Variants in PDK1 observed in about 807,000 individuals in gnomAD.
The protein encoded by PDK1 is [Pyruvate dehydrogenase (acetyl-transferring)] kinase isozyme 1, mitochondrial.
A neutral mutation model predicts 54.2 loss-of-function variants in PDK1; 39 were observed. That is an observed-to-expected ratio of 0.72 (90% CI 0.56 to 0.94). The LOEUF is 0.94. PDK1 is among the 40% of genes least tolerant of loss of function. PDK1 has a pLI of 0.00. For synonymous variants in PDK1, 221 were observed against 207.1 expected, an observed-to-expected ratio of 1.07 and a Z score of -0.58; for missense variants, 552 against 566.0, an observed-to-expected ratio of 0.98 and a Z score of 0.25.
chr2:172,692,919 A>C, the PDK1 span, among the ~76,000 whole-genome samples: 4 of 152,336 alleles, frequency 2.6e-5, no homozygotes, highest in South Asian at 8.3e-4. Context: ...ACAAAGTTCA[A>C]CCAGATTGGG....
the PDK1 span, among the ~76,000 whole-genome samples, chr2:172,714,438 GT>G: frequency 6.6e-6 from 1 of 151,798 alleles, no homozygotes. Flanking sequence ...ATATTTGAAA[GT>G]TTTTTTAGAA....
chr2:172,681,081 T>C, the PDK1 span, among the ~76,000 whole-genome samples: 1 of 152,374 alleles, frequency 6.6e-6, no homozygotes, highest in African/African-American at 2.4e-5. Flanking sequence ...TATTGTGATC[T>C]CTCTTGTTTT....
At position 172,562,927 on chromosome 2, in the gene PDK1, G is replaced by A; in HGVS notation, c.410+636G>A. On this transcript the variant is annotated intron_variant, in intron 3 of 10. Coordinates refer to ENST00000282077, the MANE Select transcript of PDK1 (RefSeq NM_002610.5). ...GTGTAATGACCATCTCTTGTCCTCA[G>A]TTAGTTACACATGTTTTTTGGACTG... is the stretch of plus-strand genomic sequence containing the variant. The A allele has an allele frequency of 5.2e-6, 4 of 767,196 alleles. No individual in the cohort carries two copies. In the South Asian group the frequency reaches 6.0e-5, roughly 12 times the overall value. The allele number at this position is 767,196 out of a possible 1,614,324, so 47.5% of individuals were successfully genotyped here.
rs535743874 is a variant in PDK1 at position 172,588,913 on chromosome 2, A to T, written c.1056+2525A>T. On this transcript the variant is annotated intron_variant, in intron 9 of 10. Coordinates refer to ENST00000282077, the MANE Select transcript of PDK1 (RefSeq NM_002610.5). ...TTTCCAAGTCCTTAACAAGCCAGCC[A>T]CTTGTTTTGCCACTGCCCATGCTGG... Among the ~76,000 whole-genome samples the T allele has an allele frequency of 2.6e-5, 4 of 152,256 alleles. No individual in the cohort carries two copies. In the East Asian group the frequency reaches 7.7e-4, roughly 29 times the overall value.
At chr2:172,633,211 T>TA in the PDK1 span, among the ~76,000 whole-genome samples, 254 of 145,142 alleles carry the variant, frequency 1.8e-3, 1 homozygote, top group African/African-American at 6.1e-3. Context: ...CTTGGCTAAT[T>TA]AAAAAAAATT....
downstream of PDK1, among the ~76,000 whole-genome samples, chr2:172,612,243 T>G (rs575418935): frequency 3.3e-5 from 5 of 152,228 alleles, no homozygotes; most frequent in African/African-American, 1.2e-4. Context: ...AAGATAGCAA[T>G]TCCCAGATCC....
the PDK1 span, chr2:172,724,169 C>A: frequency 6.6e-6 from 1 of 152,044 alleles, no homozygotes; most frequent in Non-Finnish European, 1.5e-5. Context: ...AGATTCTAAT[C>A]TTGGCATAAA....
At chr2:172,583,281 GT>G (rs1175087926) in intron 8 of PDK1, among the ~76,000 whole-genome samples, 1,863 of 76,972 alleles carry the variant, frequency 0.024, 40 homozygotes, top group East Asian at 0.21. Context: ...AAGTTTTCTG[GT>G]TTTTTTTTTT....
rs755094222 is a variant in PDK1 at position 172,556,278 on chromosome 2, C to T, written c.128C>T (p.Pro43Leu). ...AGCCCGGCGTCCGAGCGCGGCGTTC[C>T]GGGCCAGGTGGACTTCTACGCGCGC... ...GSSPASERGVPGQVDFYARFS... is the reference protein window; with the variant it reads ...GSSPASERGVLGQVDFYARFS... The change falls in exon 1 of 11, where the codon CCG (proline) becomes CTG (leucine). Residue 43 changes from proline to leucine, a missense_variant. Transcript: ENST00000282077. The T allele has an allele frequency of 3.3e-6, 5 of 1,503,636 alleles. No individual in the cohort carries two copies. The highest frequency in any genetic ancestry group is 4.8e-5 in the Admixed American group (2 of 41,738). 93.1% of individuals were successfully genotyped at this position (1,503,636 alleles called of 1,614,324 possible). A position where few individuals can be genotyped will look rare whatever the true frequency, so the allele number is the denominator to read the frequency against.
At chr2:172,556,858 C>G (rs1688362909) in intron 1 of PDK1, among the ~76,000 whole-genome samples, 1 of 152,236 alleles carries the variant, frequency 6.6e-6, no homozygotes, top group South Asian at 2.1e-4. Flanking sequence ...ACCAACAGCA[C>G]ATTTCATCAT....
At chr2:172,622,092 TTA>T in the PDK1 span, among the ~76,000 whole-genome samples, 3 of 140,358 alleles carry the variant, frequency 2.1e-5, no homozygotes, top group African/African-American at 5.0e-5. Flanking sequence ...TGAGATATGT[TTA>T]TATCTCATAT....
the PDK1 span, among the ~76,000 whole-genome samples, chr2:172,679,967 C>T: frequency 2.0e-5 from 3 of 152,126 alleles, no homozygotes; most frequent in African/African-American, 7.2e-5. Flanking sequence ...ACACAAGACC[C>T]TATTTCAGAG....
intron 3 of PDK1, chr2:172,562,863 T>C (rs770268516): frequency 3.3e-6 from 5 of 1,501,562 alleles, no homozygotes; most frequent in Non-Finnish European, 4.6e-6. Flanking sequence ...GTATTTGCCT[T>C]ATGCAGCTAC....
chr2:172,650,727 A>G, the PDK1 span, among the ~76,000 whole-genome samples: 3 of 152,346 alleles, frequency 2.0e-5, no homozygotes, highest in South Asian at 6.2e-4. Context: ...ATCAAAAGGG[A>G]CAAAGAAGGC....
At chr2:172,586,040 T>A (rs1690204475) in intron 8 of PDK1, among the ~76,000 whole-genome samples, 1 of 151,570 alleles carries the variant, frequency 6.6e-6, no homozygotes, top group South Asian at 2.1e-4. Context: ...GCGCCTGTAG[T>A]CCCAGTTACT....
At chr2:172,653,375 C>T in the PDK1 span, among the ~76,000 whole-genome samples, 3 of 151,948 alleles carry the variant, frequency 2.0e-5, no homozygotes, top group South Asian at 2.1e-4. Context: ...GGCTAAGGTG[C>T]GTGGATCACC....
chr2:172,647,054 A>C, the PDK1 span, among the ~76,000 whole-genome samples: 1 of 152,202 alleles, frequency 6.6e-6, no homozygotes, highest in African/African-American at 2.4e-5. Context: ...TTCCCAGGTG[A>C]TGATCATGCT....
At chr2:172,696,478 A>T in the PDK1 span, among the ~76,000 whole-genome samples, 1 of 152,218 alleles carries the variant, frequency 6.6e-6, no homozygotes, top group African/African-American at 2.4e-5. Context: ...TAAAGTGTTG[A>T]TGAAAGGCTA....
the PDK1 span, among the ~76,000 whole-genome samples, chr2:172,635,971 C>T: frequency 2.0e-5 from 3 of 152,256 alleles, no homozygotes; most frequent in Non-Finnish European, 1.5e-5. Flanking sequence ...AGGCTCTCCT[C>T]TGGCTCCTTT....
Sources: gnomAD v4.1 joint callset for allele counts (sites outside exome capture counted in the v4.1 genomes callset) on GRCh38, gnomAD v4.1.1 for gene constraint, MANE v1.5 for transcripts, NCBI Gene and HGNC (gene_info 2026-07-23, HGNC 2026-07-21) for gene names.